Variants in PTPRD observed in about 807,000 individuals in gnomAD.
PTPRD encodes the protein protein tyrosine phosphatase receptor type D, also known as receptor-type tyrosine-protein phosphatase delta.
A neutral mutation model predicts 214.5 loss-of-function variants in PTPRD; 34 were observed. The ratio of observed to expected loss-of-function variants is 0.16; its 90% CI spans 0.12 to 0.21. The LOEUF is 0.21. Among genes scored for constraint, PTPRD ranks in the 10% least tolerant of loss-of-function variants. The pLI is 1.00. For missense variants in PTPRD, 2,545 were observed against 2,398.7 expected (o/e 1.06, Z -1.27); for synonymous variants, 1,128 against 845.7 (o/e 1.33, Z -5.79).
intron 9 of PTPRD, among the ~76,000 whole-genome samples, chr9:9,350,263 T>C (rs372711738): frequency 6.6e-6 from 1 of 152,268 alleles, no homozygotes; most frequent in East Asian, 1.9e-4. Flanking sequence ...TTCTGACCTT[T>C]ATACAATTAG....
chr9:10,265,091 G>A (rs1424744839), intron 3 of PTPRD, among the ~76,000 whole-genome samples: 1 of 152,110 alleles, frequency 6.6e-6, no homozygotes, highest in Non-Finnish European at 1.5e-5. Context: ...AAATTACTCA[G>A]TCTGGGGTAT....
At chr9:10,522,450 C>G (rs2052663056) in intron 2 of PTPRD, among the ~76,000 whole-genome samples, 1 of 152,112 alleles carries the variant, frequency 6.6e-6, no homozygotes, top group African/African-American at 2.4e-5. Context: ...AGACCTCTCA[C>G]CACATGGTGT....
chr9:9,314,528 T>C (rs1479078577), intron 9 of PTPRD, among the ~76,000 whole-genome samples: 4 of 152,128 alleles, frequency 2.6e-5, no homozygotes, highest in Non-Finnish European at 4.4e-5. Flanking sequence ...TGACAAAATG[T>C]TATCAAATGA....
At chr9:10,335,165 G>A (rs937199577) in intron 3 of PTPRD, among the ~76,000 whole-genome samples, 2 of 151,670 alleles carry the variant, frequency 1.3e-5, no homozygotes, top group African/African-American at 4.8e-5. Flanking sequence ...GTCCAGGACT[G>A]ACACTACCTG....
chr9:8,847,501 G>C (rs1414754957), intron 11 of PTPRD, among the ~76,000 whole-genome samples: 1 of 152,014 alleles, frequency 6.6e-6, no homozygotes, highest in Non-Finnish European at 1.5e-5. Context: ...TAGAAACCTG[G>C]GCAAAGAAGA....
intron 11 of PTPRD, among the ~76,000 whole-genome samples, chr9:8,995,507 A>C (rs1022214242): frequency 4.0e-5 from 6 of 151,670 alleles, no homozygotes; most frequent in African/African-American, 1.5e-4. Context: ...ACTATTTTAC[A>C]GTTTGACACA....
chr9:8,971,805 CTAT>C (rs1405491060), intron 11 of PTPRD, among the ~76,000 whole-genome samples: 3 of 151,404 alleles, frequency 2.0e-5, no homozygotes, highest in Non-Finnish European at 4.4e-5. Context: ...AAAGTAACTA[CTAT>C]TATTATTCTC....
At chr9:10,141,252 G>A (rs1188495649) in intron 3 of PTPRD, among the ~76,000 whole-genome samples, 1 of 152,010 alleles carries the variant, frequency 6.6e-6, no homozygotes, top group East Asian at 1.9e-4. Context: ...TTTGGCCAGG[G>A]CAATTAGGCA....
At chr9:10,486,100 G>A (rs2099131241) in intron 2 of PTPRD, among the ~76,000 whole-genome samples, 1 of 151,598 alleles carries the variant, frequency 6.6e-6, no homozygotes, top group Non-Finnish European at 1.5e-5. Flanking sequence ...TCAGGTGGGT[G>A]GATTGCAAAA....
intron 11 of PTPRD, among the ~76,000 whole-genome samples, chr9:8,952,026 T>C (rs1441954818): frequency 6.6e-6 from 1 of 151,966 alleles, no homozygotes; most frequent in Non-Finnish European, 1.5e-5. Flanking sequence ...TACACATATA[T>C]AAAAATATAT....
At chr9:9,298,245 G>A (rs979852021) in intron 9 of PTPRD, among the ~76,000 whole-genome samples, 1 of 151,562 alleles carries the variant, frequency 6.6e-6, no homozygotes, top group Non-Finnish European at 1.5e-5. Context: ...AATGCAAGCA[G>A]AGTTTTATCT....
chr9:9,521,392 T>C (rs2096968305), intron 8 of PTPRD, among the ~76,000 whole-genome samples: 1 of 152,166 alleles, frequency 6.6e-6, no homozygotes, highest in Non-Finnish European at 1.5e-5. Flanking sequence ...TACTTGCTAG[T>C]CAACTCCCAA....
At chr9:8,714,928 G>A (rs912051147) in intron 12 of PTPRD, among the ~76,000 whole-genome samples, 2 of 151,478 alleles carry the variant, frequency 1.3e-5, no homozygotes, top group African/African-American at 2.4e-5. Context: ...CCTAGAATGC[G>A]ACCTTAATGG....
At chr9:9,202,109 G>C (rs2132336768) in intron 9 of PTPRD, among the ~76,000 whole-genome samples, 2 of 152,256 alleles carry the variant, frequency 1.3e-5, no homozygotes, top group Non-Finnish European at 2.9e-5. Flanking sequence ...TAGTGTGTTG[G>C]GTAGCACACA....
At chr9:8,551,789 C>T (rs541163985) in intron 14 of PTPRD, among the ~76,000 whole-genome samples, 5 of 152,286 alleles carry the variant, frequency 3.3e-5, no homozygotes, top group African/African-American at 9.6e-5. Context: ...ACCAAATCAA[C>T]CTCTTTTTGC....
At chr9:9,222,500 T>C (rs2099956780) in intron 9 of PTPRD, among the ~76,000 whole-genome samples, 1 of 152,030 alleles carries the variant, frequency 6.6e-6, no homozygotes, top group Non-Finnish European at 1.5e-5. Flanking sequence ...AAATGTAGAG[T>C]TATGCCCACA....
At chr9:10,510,776 C>A (rs1036800727) in intron 2 of PTPRD, among the ~76,000 whole-genome samples, 1 of 151,952 alleles carries the variant, frequency 6.6e-6, no homozygotes, top group African/African-American at 2.4e-5. Flanking sequence ...ACTATAGTTG[C>A]CCTATTGTGC....
In PTPRD at chr9:10,041,852, G is replaced by C. The variant is rs2097301948; in HGVS notation, c.-544-8062C>G. 2.0e-5 allele frequency among the ~76,000 whole-genome samples: 3 copies of C among 151,978 alleles called. No individual in the cohort carries two copies. In the South Asian group the frequency reaches 6.2e-4, roughly 32 times the overall value. ...TTAGATCTATGCTGTATCCCATTAG[G>C]AGTTGCCTTCCCTGTGAATCCTAAA... On this transcript the variant is annotated intron_variant, in intron 3 of 45. Transcript: ENST00000381196.
chr9:10,314,351 T>C (rs1039985261), intron 3 of PTPRD, among the ~76,000 whole-genome samples: 4 of 151,906 alleles, frequency 2.6e-5, no homozygotes, highest in African/African-American at 9.7e-5. Context: ...TTGTCACTTT[T>C]TTACAGGTGA....
Sources: allele counts gnomAD v4.1 joint callset (sites outside exome capture counted in the v4.1 genomes callset), GRCh38; gene constraint gnomAD v4.1.1; transcripts MANE v1.5; gene names NCBI Gene and HGNC (gene_info 2026-07-23, HGNC 2026-07-21).